Variants in IKZF1 observed in about 807,000 individuals in gnomAD.
IKZF1 encodes IKAROS family zinc finger 1.
Under a neutral mutation model 51.7 loss-of-function variants are expected in IKZF1, and 10 were observed. The observed-to-expected ratio is 0.19, with a 90% CI of 0.12 to 0.33. The LOEUF is 0.33. Among genes scored for constraint, IKZF1 ranks in the 10% least tolerant of loss-of-function variants. The pLI, the probability that IKZF1 is intolerant of heterozygous loss-of-function variation, is 1.00. For missense variants in IKZF1, 484 were observed against 707.5 expected (o/e 0.68, Z 3.58); for synonymous variants, 280 against 282.3 (o/e 0.99, Z 0.08).
At chr7:50,317,266 G>A (rs866101933) in intron 1 of IKZF1, among the ~76,000 whole-genome samples, 2 of 152,172 alleles carry the variant, frequency 1.3e-5, no homozygotes, top group South Asian at 2.1e-4. Flanking sequence ...TTTAAGACCC[G>A]GTGTGTGATA....
intron 2 of IKZF1, among the ~76,000 whole-genome samples, chr7:50,324,298 C>T (rs1462077030): frequency 6.6e-6 from 1 of 152,148 alleles, no homozygotes; most frequent in South Asian, 2.1e-4. Context: ...CGGACTTACA[C>T]TTTGGGGCTT....
At chr7:50,388,082 T>C (rs1562885981) in intron 6 of IKZF1, among the ~76,000 whole-genome samples, 1 of 152,178 alleles carries the variant, frequency 6.6e-6, no homozygotes, top group African/African-American at 2.4e-5. Context: ...AGATAGCACT[T>C]GATTCAGACC....
chr7:50,335,660 A>C (rs1797583520), intron 3 of IKZF1, among the ~76,000 whole-genome samples: 1 of 145,698 alleles, frequency 6.9e-6, no homozygotes, highest in South Asian at 2.2e-4. Flanking sequence ...TATGGTGTGT[A>C]TGTGTGTATG....
At chr7:50,366,445 T>C (rs888718569) in intron 3 of IKZF1, among the ~76,000 whole-genome samples, 2 of 152,138 alleles carry the variant, frequency 1.3e-5, no homozygotes, top group African/African-American at 4.8e-5. Flanking sequence ...TCAGATCTAA[T>C]CTCTTAGCTC....
At chr7:50,363,311 T>C (rs1805812136) in intron 3 of IKZF1, among the ~76,000 whole-genome samples, 1 of 152,158 alleles carries the variant, frequency 6.6e-6, no homozygotes, top group Admixed American at 6.5e-5. Flanking sequence ...TGGAAGGTAC[T>C]ATGCTGGGGC....
At chr7:50,307,894 C>T (rs1562699768) in intron 1 of IKZF1, among the ~76,000 whole-genome samples, 1 of 152,178 alleles carries the variant, frequency 6.6e-6, no homozygotes, top group African/African-American at 2.4e-5. Context: ...AGGATATCGA[C>T]AGTAACAAAG....
At chr7:50,338,356 A>T (rs1798272934) in intron 3 of IKZF1, among the ~76,000 whole-genome samples, 1 of 152,224 alleles carries the variant, frequency 6.6e-6, no homozygotes, top group African/African-American at 2.4e-5. Flanking sequence ...GTCAGAGTAG[A>T]TAGATAACAT....
chr7:50,363,651 C>T (rs980589170), intron 3 of IKZF1, among the ~76,000 whole-genome samples: 1 of 152,212 alleles, frequency 6.6e-6, no homozygotes, highest in African/African-American at 2.4e-5. Context: ...AGATGGCAGC[C>T]AGTGTTCTCT....
chr7:50,329,031 C>T (rs1795795033), intron 3 of IKZF1: 1 of 149,014 alleles, frequency 6.7e-6, no homozygotes, highest in South Asian at 2.1e-4. Context: ...CGAGATTGCG[C>T]CACTGCACTC....
At chr7:50,355,194 G>A (rs1234613862) in intron 3 of IKZF1, among the ~76,000 whole-genome samples, 1 of 152,158 alleles carries the variant, frequency 6.6e-6, no homozygotes, top group African/African-American at 2.4e-5. Context: ...CCCAACAGGC[G>A]GAAATTCACA....
At chr7:50,328,274 C>CT (rs1347974260) in intron 3 of IKZF1, 5 of 152,290 alleles carry the variant, frequency 3.3e-5, no homozygotes, top group African/African-American at 9.7e-5. Context: ...CATTTACATA[C>CT]CTTTTCCATA....
At chr7:50,351,443 A>T (rs970288083) in intron 3 of IKZF1, among the ~76,000 whole-genome samples, 3 of 152,112 alleles carry the variant, frequency 2.0e-5, no homozygotes, top group Non-Finnish European at 4.4e-5. Flanking sequence ...CTCCATATCT[A>T]CTTTCCCGGC....
chr7:50,393,750 C>T (rs943072760), intron 7 of IKZF1: 5 of 231,948 alleles, frequency 2.2e-5, no homozygotes, highest in African/African-American at 8.8e-5. Context: ...ACAGAGCCCA[C>T]GGGCTGCCTC....
intron 1 of IKZF1, among the ~76,000 whole-genome samples, chr7:50,310,449 C>G (rs1789888667): frequency 6.6e-6 from 1 of 152,126 alleles, no homozygotes; most frequent in African/African-American, 2.4e-5. Flanking sequence ...AAGACATGCC[C>G]ATTTTTTGTA....
chr7:50,396,422 T>C (rs926814118), intron 7 of IKZF1, among the ~76,000 whole-genome samples: 1 of 152,210 alleles, frequency 6.6e-6, no homozygotes, highest in African/African-American at 2.4e-5. Flanking sequence ...ATCTCTTTTT[T>C]CCTCTTACTC....
chr7:50,376,577 C>G lies in IKZF1; in HGVS notation c.205C>G (p.Arg69Gly), dbSNP rs2153468797. 1 of 1,613,770 alleles carries G rather than the reference C, an allele frequency of 6.2e-7. No individual in the cohort carries two copies. The highest frequency in any genetic ancestry group is 2.2e-5 in the East Asian group (1 of 44,882). Reference protein sequence around the residue: ...VETQSDEENGRACEMNGEECA... With the variant: ...VETQSDEENGGACEMNGEECA... ...GACTCAGAGTGATGAAGAGAATGGG[C>G]GTGCCTGTGAAATGAATGGGGAAGA... The change falls in exon 4 of 8, where the codon CGT becomes GGT. Residue 69 changes from arginine (R) to glycine (G), a missense_variant. This residue lies in a region of IKZF1 where 118 missense variants were observed against 138.4 expected (regional missense o/e 0.85). Transcript: ENST00000331340. The surrounding 1 kb of genome is among the most constrained non-coding windows in gnomAD (Gnocchi z 4.5).
chr7:50,323,079 T>C (rs1319482717), intron 2 of IKZF1, among the ~76,000 whole-genome samples: 1 of 152,242 alleles, frequency 6.6e-6, no homozygotes, highest in Non-Finnish European at 1.5e-5. Flanking sequence ...GCAGTGTCAA[T>C]GGGAATATTT....
intron 3 of IKZF1, among the ~76,000 whole-genome samples, chr7:50,330,736 T>C (rs1347904259): frequency 6.6e-6 from 1 of 152,192 alleles, no homozygotes; most frequent in Non-Finnish European, 1.5e-5. Context: ...ATAAAGGGAA[T>C]AACCTGGGTA....
chr7:50,327,568 CA>C (rs2153384296), intron 2 of IKZF1, 69 bp from the exon 3 acceptor site: 2 of 1,500,470 alleles, frequency 1.3e-6, no homozygotes, highest in Non-Finnish European at 1.8e-6. Flanking sequence ...CCTCTCAAGC[CA>C]AAAGCCGGGG....
Sources: gnomAD v4.1 joint callset for allele counts (sites outside exome capture counted in the v4.1 genomes callset) on GRCh38, gnomAD v4.1.1 for gene constraint, gnomAD v4.1.1 regional missense constraint, Gnocchi (gnomAD v3.1) non-coding constraint, MANE v1.5 for transcripts, NCBI Gene and HGNC (gene_info 2026-07-23, HGNC 2026-07-21) for gene names.